PGAP1: variants seen among roughly 807,000 people sequenced by gnomAD.
The protein encoded by PGAP1 is post-GPI attachment to proteins inositol deacylase 1.
PGAP1 carries 76 observed loss-of-function variants against 127.0 expected under a neutral mutation model. The observed-to-expected ratio is 0.60, with a 90% CI of 0.50 to 0.72. PGAP1 has a LOEUF of 0.72. PGAP1 is among the 30% of genes least tolerant of loss of function. The probability of loss-of-function intolerance (pLI) is 0.00; values close to 1 mark genes in which losing one functional copy is unlikely to be tolerated. For missense variants in PGAP1, 982 were observed against 1,071.3 expected, an observed-to-expected ratio of 0.92 and a Z score of 1.16; for synonymous variants, 362 against 366.5, an observed-to-expected ratio of 0.99 and a Z score of 0.14.
rs147312612 is a variant in PGAP1, at chr2:196,841,269, G to A, written c.2734C>T (p.Pro912Ser). The part of the protein sequence containing the change: ...LYRLPCFVFI[P>S]LLLHALCNFM ...TTGCATAATGCATGGAGTAAAAGAG[G>A]AATGAAGACAAAGCATGGAAGCCTA... The change falls in exon 27 of 27, where the codon CCT (proline) becomes TCT (serine). Residue 912 changes from proline (P) to serine (S), a missense_variant. Transcript: ENST00000354764. 4.0e-4 allele frequency: 650 copies of A among 1,613,580 alleles called. 3 individuals carry two copies. Among genetic ancestry groups the A allele is most frequent in the Admixed American group, 1.0e-3 (61 of 59,932 alleles).
chr2:196,842,043 A>G (rs1195471361), intron 26 of PGAP1, among the ~76,000 whole-genome samples: 1 of 151,104 alleles, frequency 6.6e-6, no homozygotes, highest in Non-Finnish European at 1.5e-5. Context: ...TTTTAACCCT[A>G]CTTATAAAAA....
intron 20 of PGAP1, among the ~76,000 whole-genome samples, chr2:196,854,128 C>G (rs953829313): frequency 1.3e-5 from 2 of 151,958 alleles, no homozygotes; most frequent in Non-Finnish European, 2.9e-5. Flanking sequence ...AATTCCTAGG[C>G]TCAAGTGATC....
At chr2:196,863,907 A>T (rs1380295525) in intron 20 of PGAP1, among the ~76,000 whole-genome samples, 2 of 152,094 alleles carry the variant, frequency 1.3e-5, no homozygotes, top group Non-Finnish European at 2.9e-5. Flanking sequence ...TTTATTGTAT[A>T]TTTTAAAATA....
chr2:196,897,832 G>C (rs891049715), intron 6 of PGAP1, among the ~76,000 whole-genome samples: 2 of 152,114 alleles, frequency 1.3e-5, no homozygotes, highest in African/African-American at 4.8e-5. Context: ...AGAGAACCTT[G>C]GTCAAACTGA....
intron 3 of PGAP1, 116 bp from the exon 4 acceptor site, chr2:196,913,169 T>C: frequency 1.2e-6 from 1 of 860,642 alleles, no homozygotes; most frequent in Non-Finnish European, 1.8e-6. Flanking sequence ...ACTATTTATA[T>C]AACCTCCCAT....
At chr2:196,891,512 A>G (rs1702099854) in intron 9 of PGAP1, among the ~76,000 whole-genome samples, 1 of 152,168 alleles carries the variant, frequency 6.6e-6, no homozygotes, top group Non-Finnish European at 1.5e-5. Flanking sequence ...AAACATATTT[A>G]AATGCATGAG....
rs765203087 is a variant in PGAP1 at position 196,842,676 on chromosome 2, A to C, written c.2630+45T>G. On this transcript the variant is annotated intron_variant, in intron 26 of 26. Coordinates refer to ENST00000354764, the MANE Select transcript of PGAP1 (RefSeq NM_024989.4). ...ATATTTTAGATATAAAGGGGGAAAA[A>C]GGCCAAGAACAGATATAAGAAAAAG... is the stretch of plus-strand genomic sequence containing the variant. 6 of 982,648 alleles carry C rather than the reference A, an allele frequency of 6.1e-6. No homozygotes were observed. In the East Asian group the frequency reaches 1.3e-4, roughly 21 times the overall value. The allele number at this position is 982,648 out of a possible 1,614,324, so 60.9% of individuals were successfully genotyped here.
chr2:196,898,475 C>T, intron 5 of PGAP1, 106 bp from the exon 6 acceptor site: 1 of 711,606 alleles, frequency 1.4e-6, no homozygotes, highest in Non-Finnish European at 2.4e-6. Context: ...TATAGTTTCA[C>T]TATATTGTGA....
intron 14 of PGAP1, among the ~76,000 whole-genome samples, chr2:196,874,185 T>C (rs1322179770): frequency 6.6e-6 from 1 of 151,758 alleles, no homozygotes; most frequent in Non-Finnish European, 1.5e-5. Flanking sequence ...ATAAATAAAA[T>C]GTAAAAAAAA....
rs190989272 is a variant in PGAP1 at position 196,850,208 on chromosome 2, C to T, written c.1862-2171G>A. On this transcript the variant is annotated intron_variant, in intron 20 of 26. Coordinates refer to ENST00000354764, the MANE Select transcript of PGAP1 (RefSeq NM_024989.4). ...TGGTACCTTGGAGTACCAGCTGGCT[C>T]TGTTACTAGTTTAGCATCTTATCAT... Among the ~76,000 whole-genome samples the T allele has an allele frequency of 2.2e-4, 34 of 152,272 alleles. No individual in the cohort carries two copies. In the East Asian group the frequency reaches 5.6e-3, roughly 25 times the overall value.
At chr2:196,849,389 G>A (rs1347194490) in intron 20 of PGAP1, among the ~76,000 whole-genome samples, 2 of 149,724 alleles carry the variant, frequency 1.3e-5, no homozygotes, top group Non-Finnish European at 3.0e-5. Flanking sequence ...TCAGCCTTCC[G>A]AGTAGCTGGG....
chr2:196,870,958 A>G lies in PGAP1; in HGVS notation c.1750T>C (p.Ser584Pro). The G allele has an allele frequency of 6.2e-7, 1 of 1,608,256 alleles. No homozygotes were observed. The highest frequency in any genetic ancestry group is 8.5e-7 in the Non-Finnish European group (1 of 1,175,164). ...RYEVTVKTSF[S>P]QILGQVVRFH... is the part of the protein sequence containing the mutation. ...TCTCTTACCTGTCCAAGTATTTGTG[A>G]AAAGGAAGTCTTAACTGTCACCTAG... is the stretch of plus-strand genomic sequence containing the variant. Residue 584 changes from serine (S) to proline (P), a missense_variant, in exon 19 of 27, where the codon TCA (serine) becomes CCA (proline). Ser to Pro is a moderately conservative substitution (Grantham distance 74). Transcript: ENST00000354764.
chr2:196,888,659 A>G (rs1701996133), intron 10 of PGAP1, among the ~76,000 whole-genome samples: 1 of 152,186 alleles, frequency 6.6e-6, no homozygotes, highest in Non-Finnish European at 1.5e-5. Flanking sequence ...ATTATAAAAG[A>G]GACATAAGAT....
At chr2:196,871,027 C>T (rs761959513) in intron 18 of PGAP1, 48 bp from the exon 19 acceptor site, 36 of 1,347,632 alleles carry the variant, frequency 2.7e-5, no homozygotes, top group Non-Finnish European at 2.5e-5. Context: ...CCTCTAAACT[C>T]CTTTACATTT....
rs115658638 is a variant in PGAP1, at chr2:196,896,860, A to T, written c.927+271T>A. On this transcript the variant is annotated intron_variant, in intron 7 of 26. Transcript: ENST00000354764. ...AAAAAAAAAAAAAAAAAGGAAGGAT[A>T]TATGTCAAACTTTAAGCAGTGGAAA... Among the ~76,000 whole-genome samples, 462 of 149,102 alleles carry T rather than the reference A, an allele frequency of 3.1e-3. 4 individuals are homozygous for T. Among genetic ancestry groups the T allele is most frequent in the Non-Finnish European group, 6.0e-3 (404 of 67,318 alleles).
chr2:196,878,721 T>TG (rs2125805425), intron 13 of PGAP1, among the ~76,000 whole-genome samples: 1 of 152,344 alleles, frequency 6.6e-6, no homozygotes, highest in South Asian at 2.1e-4. Flanking sequence ...TTTCACAATA[T>TG]GGCCATGAAC....
At chr2:196,893,343 T>C in intron 7 of PGAP1, 98 bp from the exon 8 acceptor site, 1 of 625,540 alleles carries the variant, frequency 1.6e-6, no homozygotes, top group Non-Finnish European at 2.8e-6. Flanking sequence ...CAACATTTAT[T>C]ACTCTGAGCC....
chr2:196,878,821 T>C (rs939714101), intron 13 of PGAP1, among the ~76,000 whole-genome samples: 1 of 152,236 alleles, frequency 6.6e-6, no homozygotes, highest in African/African-American at 2.4e-5. Context: ...GTTTTTCAAA[T>C]ATACTTCATG....
intron 4 of PGAP1, among the ~76,000 whole-genome samples, chr2:196,905,796 A>G (rs1157815104): frequency 7.1e-6 from 1 of 141,472 alleles, no homozygotes; most frequent in African/African-American, 2.6e-5. Flanking sequence ...TGGGAAGCGC[A>G]AGGGGTCAGG....
Sources: gnomAD v4.1 joint callset for allele counts (sites outside exome capture counted in the v4.1 genomes callset) on GRCh38, gnomAD v4.1.1 for gene constraint, MANE v1.5 for transcripts, NCBI Gene and HGNC (gene_info 2026-07-23, HGNC 2026-07-21) for gene names.